Variants in FAT3 observed in about 807,000 individuals in gnomAD.
FAT3 encodes protocadherin Fat 3.
FAT3 carries 95 observed loss-of-function variants against 310.2 expected under a neutral mutation model. That is an observed-to-expected ratio of 0.31 (90% CI 0.26 to 0.36). The LOEUF (loss-of-function observed/expected upper bound fraction) is 0.36. Among genes scored for constraint, FAT3 ranks in the 10% least tolerant of loss-of-function variants. FAT3 has a pLI of 1.00. For missense variants in FAT3, 5,408 were observed against 5,715.6 expected, an observed-to-expected ratio of 0.95 and a Z score of 1.74; for synonymous variants, 2,314 against 2,192.9, an observed-to-expected ratio of 1.06 and a Z score of -1.54.
chr11:92,293,544 A>G (rs1288593912), intron 1 of FAT3, among the ~76,000 whole-genome samples: 9 of 20,290 alleles, frequency 4.4e-4, no homozygotes, highest in Non-Finnish European at 1.0e-3. Flanking sequence ...ATATATATAT[A>G]TATATATAAA....
intron 3 of FAT3, among the ~76,000 whole-genome samples, chr11:92,652,922 G>A (rs1275195326): frequency 2.0e-5 from 3 of 152,158 alleles, no homozygotes; most frequent in African/African-American, 7.2e-5. Context: ...CAGCAGTTTG[G>A]GAAGCCGAGG....
intron 3 of FAT3, among the ~76,000 whole-genome samples, chr11:92,586,434 G>T (rs2135547890): frequency 6.6e-6 from 1 of 152,058 alleles, no homozygotes; most frequent in South Asian, 2.1e-4. Flanking sequence ...TGCCACAGAT[G>T]ATCTCAGGTT....
rs773966940 is a variant in FAT3 at position 92,787,800 on chromosome 11, G to T, written c.4336-2143G>T. 2.0e-5 allele frequency among the ~76,000 whole-genome samples: 3 copies of T among 151,812 alleles called. No individual in the cohort carries two copies. The South Asian group carries it at 6.2e-4, about 32-fold the overall frequency. On this transcript the variant is annotated intron_variant, in intron 7 of 27. Coordinates refer to ENST00000525166, the MANE Select transcript of FAT3 (RefSeq NM_001367949.2). ...GTTGGAATTATTCTGAGATTTTTGT[G>T]CATGTGGTTCAAATAAAGCAATGAA... is the stretch of plus-strand genomic sequence containing the variant.
chr11:92,645,646 T>A (rs1942128919), intron 3 of FAT3, among the ~76,000 whole-genome samples: 1 of 152,386 alleles, frequency 6.6e-6, no homozygotes. Context: ...TGCTTTTTTT[T>A]AGGTAAAGTT....
chr11:92,410,775 G>A (rs1214406736), intron 2 of FAT3, among the ~76,000 whole-genome samples: 3 of 151,854 alleles, frequency 2.0e-5, no homozygotes, highest in Non-Finnish European at 2.9e-5. Flanking sequence ...GACCTCCCTG[G>A]CCTCCCTGCC....
At chr11:92,260,869 A>G (rs1346019057) in intron 1 of FAT3, among the ~76,000 whole-genome samples, 2 of 152,060 alleles carry the variant, frequency 1.3e-5, no homozygotes, top group Non-Finnish European at 2.9e-5. Flanking sequence ...CTGACTGAGT[A>G]TGCCAACATG....
At chr11:92,729,466 A>T (rs911308268) in intron 4 of FAT3, among the ~76,000 whole-genome samples, 7 of 144,556 alleles carry the variant, frequency 4.8e-5, no homozygotes, top group African/African-American at 1.8e-4. Context: ...TCGCTCTGTC[A>T]CCCAGGCTGG....
At chr11:92,611,409 T>C (rs561756215) in intron 3 of FAT3, among the ~76,000 whole-genome samples, 1 of 152,334 alleles carries the variant, frequency 6.6e-6, no homozygotes, top group East Asian at 1.9e-4. Context: ...CATGAGCCAC[T>C]ATGCCCAGCA....
intron 4 of FAT3, among the ~76,000 whole-genome samples, chr11:92,715,937 A>G (rs926316160): frequency 3.9e-5 from 6 of 152,106 alleles, no homozygotes; most frequent in African/African-American, 1.4e-4. Context: ...ATTGGAGAGC[A>G]GTAGAGGAGG....
chr11:92,311,067 T>C lies in FAT3; in HGVS notation c.-17-41029T>C, dbSNP rs1947291331. ...ATATATATACACACACATATATGTGTACATATACACACACACATATATGTA... is the reference window on the plus strand; with the variant it reads ...ATATATATACACACACATATATGTGCACATATACACACACACATATATGTA... On this transcript the variant is annotated intron_variant, in intron 1 of 27. Coordinates refer to ENST00000525166, the MANE Select transcript of FAT3 (RefSeq NM_001367949.2). Among the ~76,000 whole-genome samples the C allele has an allele frequency of 4.0e-5, 6 of 151,888 alleles. No individual in the cohort carries two copies. The South Asian group carries it at 1.2e-3, about 31-fold the overall frequency.
intron 2 of FAT3, among the ~76,000 whole-genome samples, chr11:92,385,643 T>C (rs1949600960): frequency 6.6e-6 from 1 of 152,180 alleles, no homozygotes; most frequent in East Asian, 1.9e-4. Flanking sequence ...GCTGGGATTA[T>C]AGACATCAGC....
At chr11:92,816,629 A>G (rs1272705523) in intron 13 of FAT3, among the ~76,000 whole-genome samples, 16 of 152,224 alleles carry the variant, frequency 1.1e-4, no homozygotes, top group Non-Finnish European at 1.0e-4. Flanking sequence ...GACATCACTC[A>G]TGAGCAGGGA....
intron 2 of FAT3, among the ~76,000 whole-genome samples, chr11:92,369,914 G>A (rs577668403): frequency 1.1e-4 from 17 of 152,160 alleles, no homozygotes; most frequent in South Asian, 2.1e-4. Context: ...CTGCTTTTTC[G>A]GAGCAGTTGG....
At chr11:92,337,442 T>A (rs1948119469) in intron 1 of FAT3, among the ~76,000 whole-genome samples, 1 of 152,206 alleles carries the variant, frequency 6.6e-6, no homozygotes, top group Non-Finnish European at 1.5e-5. Flanking sequence ...TGTTTGTTTT[T>A]TGTTTTGAGA....
At chr11:92,506,979 C>T (rs1158045055) in intron 2 of FAT3, among the ~76,000 whole-genome samples, 1 of 152,182 alleles carries the variant, frequency 6.6e-6, no homozygotes, top group African/African-American at 2.4e-5. Flanking sequence ...GAGTCAACAT[C>T]CATGCATTTA....
intron 3 of FAT3, among the ~76,000 whole-genome samples, chr11:92,629,100 TGA>T (rs576681682): frequency 1.4e-3 from 206 of 152,356 alleles, no homozygotes; most frequent in South Asian, 9.3e-3. Flanking sequence ...CTTTCTTATA[TGA>T]GATACCAACT....
chr11:92,531,738 T>A (rs888820838), intron 3 of FAT3, among the ~76,000 whole-genome samples: 2 of 152,090 alleles, frequency 1.3e-5, no homozygotes, highest in Non-Finnish European at 2.9e-5. Context: ...GAGTGTGGAC[T>A]CGCTCTGCCT....
intron 3 of FAT3, among the ~76,000 whole-genome samples, chr11:92,580,739 G>A (rs1437308276): frequency 6.6e-6 from 1 of 152,048 alleles, no homozygotes; most frequent in Non-Finnish European, 1.5e-5. Flanking sequence ...TATTCAAACT[G>A]AATGTTTCTG....
chr11:92,261,082 A>G (rs1174276538), intron 1 of FAT3, among the ~76,000 whole-genome samples: 1 of 152,118 alleles, frequency 6.6e-6, no homozygotes, highest in African/African-American at 2.4e-5. Context: ...TGCTGTGACA[A>G]TGTACTACTT....
Sources: allele counts gnomAD v4.1 joint callset (sites outside exome capture counted in the v4.1 genomes callset), GRCh38; gene constraint gnomAD v4.1.1; transcripts MANE v1.5; gene names NCBI Gene and HGNC (gene_info 2026-07-23, HGNC 2026-07-21).